Variants in EXOC4 observed in about 807,000 individuals in gnomAD.
EXOC4 encodes SEC8-like 1.
A neutral mutation model predicts 107.2 loss-of-function variants in EXOC4; 71 were observed. The ratio of observed to expected loss-of-function variants is 0.66; its 90% confidence interval spans 0.55 to 0.81. The LOEUF (loss-of-function observed/expected upper bound fraction) is 0.81, where lower values mean the gene tolerates loss of function less well. Among genes scored for constraint, EXOC4 ranks in the 30% least tolerant of loss-of-function variants. EXOC4 has a pLI of 0.00. For synonymous variants in EXOC4, 456 were observed against 441.2 expected, an observed-to-expected ratio of 1.03 and a Z score of -0.42; for missense variants, 1,108 against 1,189.6, an observed-to-expected ratio of 0.93 and a Z score of 1.01.
At chr7:133,331,466 T>C (rs1048727479) in intron 5 of EXOC4, among the ~76,000 whole-genome samples, 1 of 700 alleles carries the variant, frequency 1.4e-3, no homozygotes, top group African/African-American at 4.5e-3. Flanking sequence ...TTTTTCTTTT[T>C]TTTTTTTTTT....
chr7:133,901,991 G>A (rs1157680763), intron 12 of EXOC4, among the ~76,000 whole-genome samples: 2 of 152,184 alleles, frequency 1.3e-5, no homozygotes, highest in Non-Finnish European at 2.9e-5. Context: ...ATAACCAAGA[G>A]CCAAATTTAC....
intron 5 of EXOC4, among the ~76,000 whole-genome samples, chr7:133,351,420 A>G (rs1795906850): frequency 6.6e-6 from 1 of 151,848 alleles, no homozygotes; most frequent in Non-Finnish European, 1.5e-5. Flanking sequence ...TTTAGTGTTG[A>G]TAGGTTTTAT....
intron 7 of EXOC4, among the ~76,000 whole-genome samples, chr7:133,467,474 G>T (rs1259669060): frequency 6.6e-6 from 1 of 151,304 alleles, no homozygotes; most frequent in Admixed American, 6.6e-5. Flanking sequence ...TATACTGTCA[G>T]ATCAATTTAC....
At chr7:133,532,863 T>C (rs1800206151) in intron 9 of EXOC4, among the ~76,000 whole-genome samples, 1 of 152,140 alleles carries the variant, frequency 6.6e-6, no homozygotes, top group South Asian at 2.1e-4. Flanking sequence ...AATAACTATT[T>C]ACTGAACAGG....
At chr7:133,344,103 C>T (rs189759105) in intron 5 of EXOC4, among the ~76,000 whole-genome samples, 1 of 152,284 alleles carries the variant, frequency 6.6e-6, no homozygotes, top group East Asian at 1.9e-4. Flanking sequence ...AGGCATGAGC[C>T]AGAGCACCTG....
At chr7:133,924,643 A>G (rs902058201) in intron 13 of EXOC4, among the ~76,000 whole-genome samples, 2 of 152,236 alleles carry the variant, frequency 1.3e-5, no homozygotes, top group Non-Finnish European at 2.9e-5. Flanking sequence ...GTATAACTAA[A>G]TGTAATGTTA....
intron 10 of EXOC4, among the ~76,000 whole-genome samples, chr7:133,656,434 A>G (rs1203235989): frequency 1.3e-5 from 2 of 152,148 alleles, no homozygotes; most frequent in African/African-American, 4.8e-5. Context: ...GAACAGTGAG[A>G]ATCACTATTT....
intron 10 of EXOC4, among the ~76,000 whole-genome samples, chr7:133,638,664 A>G (rs10244670): frequency 0.43 from 64,838 of 151,484 alleles, 14,807 homozygotes; most frequent in Admixed American, 0.57. Flanking sequence ...TTTCCTTTTC[A>G]TGTCCAGTAA....
chr7:134,077,118 C>G, the EXOC4 span, among the ~76,000 whole-genome samples: 1 of 151,992 alleles, frequency 6.6e-6, no homozygotes, highest in East Asian at 1.9e-4. Context: ...TAATTCAGCC[C>G]AGGTCTGGAG....
At chr7:133,255,989 T>C (rs1795008108) in intron 1 of EXOC4, among the ~76,000 whole-genome samples, 1 of 152,004 alleles carries the variant, frequency 6.6e-6, no homozygotes, top group South Asian at 2.1e-4. Context: ...TTTTTTTTTT[T>C]TTGAGACGTA....
intron 5 of EXOC4, among the ~76,000 whole-genome samples, chr7:133,355,558 C>T (rs1196144845): frequency 1.3e-5 from 2 of 152,118 alleles, no homozygotes; most frequent in Admixed American, 6.5e-5. Context: ...CAACTTGCCA[C>T]AGGGGTTAAA....
At chr7:134,095,208 G>A in the EXOC4 span, among the ~76,000 whole-genome samples, 1 of 151,812 alleles carries the variant, frequency 6.6e-6, no homozygotes, top group Non-Finnish European at 1.5e-5. Flanking sequence ...ATTTATAATA[G>A]CCACACCAAA....
At chr7:133,959,457 C>T (rs1395898460) in intron 14 of EXOC4, among the ~76,000 whole-genome samples, 2 of 149,312 alleles carry the variant, frequency 1.3e-5, no homozygotes, top group Non-Finnish European at 3.0e-5. Context: ...AAAAAAAAGA[C>T]AAAAAAGAAA....
intron 11 of EXOC4, among the ~76,000 whole-genome samples, chr7:133,834,490 C>A (rs1173720669): frequency 1.3e-5 from 2 of 152,190 alleles, no homozygotes; most frequent in Non-Finnish European, 2.9e-5. Flanking sequence ...ACTCTCGTAC[C>A]CCTTTGTTCA....
intron 15 of EXOC4, among the ~76,000 whole-genome samples, chr7:134,002,987 G>T (rs1364892830): frequency 6.6e-6 from 1 of 152,048 alleles, no homozygotes; most frequent in Non-Finnish European, 1.5e-5. Context: ...TTATCCAAGA[G>T]AAATAAATGC....
intron 4 of EXOC4, among the ~76,000 whole-genome samples, chr7:133,316,311 G>C (rs755573891): frequency 6.6e-6 from 1 of 152,034 alleles, no homozygotes; most frequent in Non-Finnish European, 1.5e-5. Context: ...TCCTATAGGC[G>C]TGGTCTCTTC....
rs1447147206 is a variant in EXOC4 at position 133,538,853 on chromosome 7, AAGAAAGAGAG to A, written c.1417+58719_1417+58728del. Among the ~76,000 whole-genome samples, 295 of 52,936 alleles carry A rather than the reference AAGAAAGAGAG, an allele frequency of 5.6e-3. 1 individual carries two copies. Among genetic ancestry groups the A allele is most frequent in the Admixed American group, 0.013 (98 of 7,360 alleles). The allele number at this position is 52,936 out of a possible 152,430, so 34.7% of individuals were successfully genotyped here. ...GTCTTGAAAGAAAAAGAAAGAAAGA[AAGAAAGAGAG>A]AGAGAGAGAGAGAGAGAGAGGGAGG... On this transcript the variant is annotated intron_variant, in intron 9 of 17. Transcript: ENST00000253861.
chr7:133,736,453 A>G (rs1409615795), intron 10 of EXOC4, among the ~76,000 whole-genome samples: 1 of 152,218 alleles, frequency 6.6e-6, no homozygotes, highest in African/African-American at 2.4e-5. Context: ...TGATAACTTA[A>G]AAAATTACCC....
At chr7:133,572,964 C>T (rs193161094) in intron 9 of EXOC4, among the ~76,000 whole-genome samples, 18 of 152,298 alleles carry the variant, frequency 1.2e-4, no homozygotes, top group Admixed American at 1.2e-3. Flanking sequence ...AGTTAGACGT[C>T]TTCCATTCAC....
Sources: allele counts gnomAD v4.1 joint callset (sites outside exome capture counted in the v4.1 genomes callset), GRCh38; gene constraint gnomAD v4.1.1; transcripts MANE v1.5; gene names NCBI Gene and HGNC (gene_info 2026-07-23, HGNC 2026-07-21).